The following TGFBR3 variants were observed in gnomAD, a reference collection of about 807,000 sequenced individuals.
The protein encoded by TGFBR3 is transforming growth factor beta receptor 3.
TGFBR3 carries 46 observed loss-of-function variants against 87.9 expected under a neutral mutation model. The ratio of observed to expected loss-of-function variants is 0.52; its 90% CI spans 0.41 to 0.67. TGFBR3 has a LOEUF of 0.67. Among genes scored for constraint, TGFBR3 ranks in the 30% least tolerant of loss-of-function variants. TGFBR3 has a pLI of 0.00. For missense variants in TGFBR3, 866 were observed against 1,041.9 expected, an observed-to-expected ratio of 0.83 and a Z score of 2.32; for synonymous variants, 381 against 391.6, an observed-to-expected ratio of 0.97 and a Z score of 0.32.
At chr1:91,867,119 T>C (rs1678418563) in intron 1 of TGFBR3, among the ~76,000 whole-genome samples, 1 of 152,198 alleles carries the variant, frequency 6.6e-6, no homozygotes, top group Admixed American at 6.5e-5. Flanking sequence ...CAAATGAGAT[T>C]GTGCATGTAT....
chr1:91,823,954 A>G (rs1336328045), intron 2 of TGFBR3, among the ~76,000 whole-genome samples: 2 of 152,078 alleles, frequency 1.3e-5, no homozygotes, highest in Non-Finnish European at 2.9e-5. Context: ...ACATAGCAAG[A>G]CCCCGTCTCT....
chr1:91,720,152 G>C lies in TGFBR3; in HGVS notation c.1154C>G (p.Ala385Gly). The change falls in exon 9 of 17, where the codon GCC becomes GGC. Residue 385 changes from alanine to glycine, a missense_variant. Transcript: ENST00000212355. ...TCCCCGGATGGGCGGGTTCTGCAGG[G>C]CAGGCAGGGCACCAGGGTCCAGCAG... is the stretch of plus-strand genomic sequence containing the variant. ...RILLDPGALPALQNPPIRGGE... is the reference protein window; with the variant it reads ...RILLDPGALPGLQNPPIRGGE... 6.2e-7 allele frequency: 1 copy of C among 1,613,844 alleles called. No homozygotes were observed. The highest frequency in any genetic ancestry group is 8.5e-7 in the Non-Finnish European group (1 of 1,179,920).
chr1:91,759,221 A>G (rs966280367), intron 3 of TGFBR3, among the ~76,000 whole-genome samples: 5 of 152,122 alleles, frequency 3.3e-5, no homozygotes, highest in Non-Finnish European at 7.4e-5. Flanking sequence ...TATAAAGTGA[A>G]ATGGGTTCTG....
At chr1:91,726,550 A>T (rs1672556715) in intron 7 of TGFBR3, among the ~76,000 whole-genome samples, 1 of 151,710 alleles carries the variant, frequency 6.6e-6, no homozygotes, top group Non-Finnish European at 1.5e-5. Flanking sequence ...ACCCACGGGA[A>T]CCAGAAACGA....
chr1:91,838,079 G>A (rs1677122752), intron 2 of TGFBR3, among the ~76,000 whole-genome samples: 1 of 152,170 alleles, frequency 6.6e-6, no homozygotes, highest in African/African-American at 2.4e-5. Flanking sequence ...TGATAATTGA[G>A]TGACTTCCCT....
chr1:91,728,758 C>T (rs1252261066), intron 6 of TGFBR3, among the ~76,000 whole-genome samples: 2 of 152,084 alleles, frequency 1.3e-5, no homozygotes, highest in Non-Finnish European at 1.5e-5. Context: ...AGTCAAACCC[C>T]GATTAGCATT....
At chr1:91,734,070 G>A in intron 5 of TGFBR3, among the ~76,000 whole-genome samples, 1 of 132,350 alleles carries the variant, frequency 7.6e-6, no homozygotes, top group African/African-American at 2.7e-5. Context: ...GGGAGGGAGG[G>A]AGGGAGGAAA....
At chr1:91,809,045 G>A (rs1266855836) in intron 2 of TGFBR3, among the ~76,000 whole-genome samples, 4 of 152,092 alleles carry the variant, frequency 2.6e-5, no homozygotes, top group Non-Finnish European at 2.9e-5. Context: ...ATGCTTTATC[G>A]ACTTAGATTC....
chr1:91,864,459 G>C (rs6684753), intron 1 of TGFBR3, among the ~76,000 whole-genome samples: 83,724 of 152,190 alleles, frequency 0.55, 23,311 homozygotes, highest in Middle Eastern at 0.64. Flanking sequence ...CTCTGAGGAA[G>C]TCCTGGACAA....
At chr1:91,898,913 A>G (rs1679617345) in intron 2 of TGFBR3, among the ~76,000 whole-genome samples, 1 of 152,208 alleles carries the variant, frequency 6.6e-6, no homozygotes, top group African/African-American at 2.4e-5. Flanking sequence ...GCATTACTAT[A>G]CTATTACAAT....
chr1:91,800,255 T>TACACACACAC (rs67343577), intron 2 of TGFBR3, among the ~76,000 whole-genome samples: 1 of 89,320 alleles, frequency 1.1e-5, no homozygotes, highest in Non-Finnish European at 2.7e-5. Context: ...TATATATATA[T>TACACACACAC]ACACACACAC....
intron 2 of TGFBR3, among the ~76,000 whole-genome samples, chr1:91,842,191 T>C (rs1677314580): frequency 6.6e-6 from 1 of 152,030 alleles, no homozygotes; most frequent in Non-Finnish European, 1.5e-5. Flanking sequence ...GAGCTTACAT[T>C]TTAGTGGGGG....
chr1:91,830,881 G>T (rs546840871), intron 2 of TGFBR3, among the ~76,000 whole-genome samples: 2 of 152,224 alleles, frequency 1.3e-5, no homozygotes, highest in East Asian at 3.9e-4. Flanking sequence ...CCTGTGTGCC[G>T]ATCAGACGCT....
chr1:91,872,428 C>T (rs1396810707), intron 1 of TGFBR3, among the ~76,000 whole-genome samples: 2 of 152,180 alleles, frequency 1.3e-5, no homozygotes, highest in East Asian at 1.9e-4. Context: ...AACTTCACTT[C>T]GAAAGATGGT....
rs1258510012 is a variant in TGFBR3, at chr1:91,683,561, C to G, written c.*178G>C. 1.4e-6 allele frequency: 1 copy of G among 702,740 alleles called. No individual in the cohort carries two copies. Among genetic ancestry groups the G allele is most frequent in the Non-Finnish European group, 2.6e-6 (1 of 387,954 alleles). The allele number at this position is 702,740 out of a possible 1,614,324, so 43.5% of individuals were successfully genotyped here. A position where few individuals can be genotyped will look rare whatever the true frequency, so the allele number is the denominator to read the frequency against. ...GCCCAGGGTCATGTTTATACTAGCC[C>G]TGGGTGTGGGGTGAATACAACGGGT... is the stretch of plus-strand genomic sequence containing the variant. On this transcript the variant is annotated 3_prime_UTR_variant, in exon 17 of 17. Coordinates refer to ENST00000212355, the MANE Select transcript of TGFBR3 (RefSeq NM_003243.5).
Position 91,681,805 on chromosome 1 carries a change from G to A in TGFBR3, c.*1934C>T. 2.2e-6 allele frequency: 1 copy of A among 452,008 alleles called. No individual in the cohort carries two copies. The highest frequency in any genetic ancestry group is 4.4e-6 in the Non-Finnish European group (1 of 226,334). The allele number at this position is 452,008 out of a possible 1,614,324, so 28.0% of individuals were successfully genotyped here. A position where few individuals can be genotyped will look rare whatever the true frequency, so the allele number is the denominator to read the frequency against. The stretch of plus-strand genomic sequence containing the variant: ...TTAAACTTTTTTATACATAGAATAT[G>A]CTGAAACAATACATTCCACCGAAGG... On this transcript the variant is annotated 3_prime_UTR_variant, in exon 17 of 17. Transcript: ENST00000212355.
intron 2 of TGFBR3, among the ~76,000 whole-genome samples, chr1:91,818,882 T>C (rs151082268): frequency 1.3e-5 from 2 of 152,352 alleles, no homozygotes; most frequent in Middle Eastern, 3.4e-3. Context: ...CAGATTTTCT[T>C]AGTTTTCTTC....
chr1:91,822,150 G>A (rs1676470748), intron 2 of TGFBR3, among the ~76,000 whole-genome samples: 1 of 152,096 alleles, frequency 6.6e-6, no homozygotes, highest in African/African-American at 2.4e-5. Context: ...GAGGATAAGA[G>A]AAGTCTTTTC....
In TGFBR3 at chr1:91,680,843, T is replaced by C; in HGVS notation, c.*2896A>G. On this transcript the variant is annotated 3_prime_UTR_variant, in exon 17 of 17. Coordinates refer to ENST00000212355, the MANE Select transcript of TGFBR3 (RefSeq NM_003243.5). ...AGCAGGAAATGGATTTACAATCTTA[T>C]TACAAGGCAAAGAAAAAAACCATTT... The C allele has an allele frequency of 2.2e-6, 1 of 450,006 alleles. No homozygotes were observed. The highest frequency in any genetic ancestry group is 4.5e-6 in the Non-Finnish European group (1 of 224,536). The allele number at this position is 450,006 out of a possible 1,614,324, so 27.9% of individuals were successfully genotyped here. A position where few individuals can be genotyped will look rare whatever the true frequency, so the allele number is the denominator to read the frequency against.
Sources: allele counts gnomAD v4.1 joint callset (sites outside exome capture counted in the v4.1 genomes callset), GRCh38; gene constraint gnomAD v4.1.1; transcripts MANE v1.5; gene names NCBI Gene and HGNC (gene_info 2026-07-23, HGNC 2026-07-21).